Variants in GPC6 observed in about 807,000 individuals in gnomAD.
GPC6 encodes glypican-6.
A neutral mutation model predicts 55.2 loss-of-function variants in GPC6; 14 were observed. The observed-to-expected ratio is 0.25, with a 90% CI of 0.17 to 0.40. GPC6 has a LOEUF of 0.40. Among genes scored for constraint, GPC6 ranks in the 10% least tolerant of loss-of-function variants. GPC6 has a pLI of 1.00. For missense variants in GPC6, 641 were observed against 708.5 expected (o/e 0.90, Z 1.08); for synonymous variants, 278 against 259.6 (o/e 1.07, Z -0.68).
chr13:94,376,890 A>G (rs1311764324), intron 6 of GPC6, among the ~76,000 whole-genome samples: 3 of 151,938 alleles, frequency 2.0e-5, no homozygotes, highest in African/African-American at 4.8e-5. Flanking sequence ...CTCAGAAATA[A>G]CGCAGCATAT....
intron 2 of GPC6, among the ~76,000 whole-genome samples, chr13:93,560,876 C>A (rs1875748333): frequency 1.3e-5 from 2 of 152,050 alleles, no homozygotes; most frequent in Middle Eastern, 3.4e-3. Flanking sequence ...AGCTGTTTGT[C>A]TTCTTGCGCA....
chr13:93,331,084 A>G (rs1450069428), intron 1 of GPC6, among the ~76,000 whole-genome samples: 5 of 151,908 alleles, frequency 3.3e-5, no homozygotes, highest in Admixed American at 1.3e-4. Flanking sequence ...CTATTTGGGG[A>G]TTGGATTTTT....
chr13:93,969,784 C>A (rs1594629965), intron 3 of GPC6, among the ~76,000 whole-genome samples: 1 of 152,012 alleles, frequency 6.6e-6, no homozygotes, highest in South Asian at 2.1e-4. Flanking sequence ...TCATGAGATC[C>A]ACCTTTTTAG....
At chr13:93,598,455 ACATTAAGTTTC>A (rs1382979078) in intron 2 of GPC6, among the ~76,000 whole-genome samples, 7 of 152,306 alleles carry the variant, frequency 4.6e-5, no homozygotes, top group African/African-American at 1.4e-4. Flanking sequence ...GAGTGCCTTC[ACATTAAGTTTC>A]CATTAGCCTT....
intron 3 of GPC6, among the ~76,000 whole-genome samples, chr13:93,922,594 TC>T (rs924448200): frequency 2.0e-5 from 3 of 151,986 alleles, no homozygotes; most frequent in African/African-American, 4.8e-5. Flanking sequence ...TTATTCCTCT[TC>T]CCCCCAGCTA....
intron 4 of GPC6, among the ~76,000 whole-genome samples, chr13:94,282,840 T>C (rs1325000683): frequency 6.6e-6 from 1 of 152,240 alleles, no homozygotes; most frequent in Non-Finnish European, 1.5e-5. Flanking sequence ...AGAATGTCAC[T>C]TCAACCATAT....
intron 3 of GPC6, among the ~76,000 whole-genome samples, chr13:94,011,305 C>G (rs1197383519): frequency 6.6e-6 from 1 of 152,124 alleles, no homozygotes; most frequent in Non-Finnish European, 1.5e-5. Context: ...TGGTGTCATC[C>G]TTCAAAGTAA....
At chr13:93,653,576 G>A (rs1161719154) in intron 2 of GPC6, among the ~76,000 whole-genome samples, 4 of 1,298 alleles carry the variant, frequency 3.1e-3, no homozygotes, top group African/African-American at 7.2e-3. Context: ...GTATATGGCC[G>A]TGTGTGTGTG....
intron 2 of GPC6, among the ~76,000 whole-genome samples, chr13:93,662,089 G>T (rs1466342367): frequency 6.6e-6 from 1 of 152,164 alleles, no homozygotes; most frequent in African/African-American, 2.4e-5. Flanking sequence ...ATGTGAGTTA[G>T]AAGTCATCCA....
chr13:94,296,382 C>T (rs1187863188), intron 5 of GPC6, among the ~76,000 whole-genome samples: 3 of 152,184 alleles, frequency 2.0e-5, no homozygotes, highest in African/African-American at 7.2e-5. Flanking sequence ...CACAATTCAG[C>T]TTTAACACTC....
intron 1 of GPC6, among the ~76,000 whole-genome samples, chr13:93,445,591 A>G (rs1877970737): frequency 6.6e-6 from 1 of 152,174 alleles, no homozygotes; most frequent in Non-Finnish European, 1.5e-5. Context: ...TGCAGAGCAA[A>G]TTATTGCTTT....
intron 1 of GPC6, among the ~76,000 whole-genome samples, chr13:93,294,850 G>T (rs770220272): frequency 2.0e-5 from 3 of 151,864 alleles, no homozygotes; most frequent in Non-Finnish European, 4.4e-5. Context: ...TGATTATTCT[G>T]CTTGGACATA....
intron 1 of GPC6, among the ~76,000 whole-genome samples, chr13:93,471,867 A>G (rs192974196): frequency 6.6e-6 from 1 of 152,280 alleles, no homozygotes; most frequent in Non-Finnish European, 1.5e-5. Flanking sequence ...GGGCAGAGTA[A>G]CCTATAAATG....
At chr13:94,336,352 C>T (rs1430141706) in intron 6 of GPC6, among the ~76,000 whole-genome samples, 1 of 152,140 alleles carries the variant, frequency 6.6e-6, no homozygotes, top group African/African-American at 2.4e-5. Flanking sequence ...TTGATTCTGT[C>T]AAACACTGAT....
chr13:93,966,824 A>T (rs544587957), intron 3 of GPC6, among the ~76,000 whole-genome samples: 44 of 151,762 alleles, frequency 2.9e-4, no homozygotes, highest in Middle Eastern at 3.4e-3. Context: ...CTAATTTTTT[A>T]AAAATATTTT....
intron 4 of GPC6, among the ~76,000 whole-genome samples, chr13:94,211,495 T>A (rs1890078652): frequency 6.6e-6 from 1 of 152,086 alleles, no homozygotes. Flanking sequence ...AAAAAATAAG[T>A]TTATTTAAGG....
intron 3 of GPC6, among the ~76,000 whole-genome samples, chr13:93,874,044 A>C (rs1889213945): frequency 6.6e-6 from 1 of 151,952 alleles, no homozygotes; most frequent in African/African-American, 2.4e-5. Flanking sequence ...ATTGTCTGGC[A>C]GCCAGATTTT....
At chr13:93,441,005 C>T (rs1337786153) in intron 1 of GPC6, among the ~76,000 whole-genome samples, 2 of 152,122 alleles carry the variant, frequency 1.3e-5, no homozygotes, top group Non-Finnish European at 2.9e-5. Context: ...TCATCCATGT[C>T]CCTACAAAGG....
chr13:93,572,904 C>A (rs1594278323), intron 2 of GPC6, among the ~76,000 whole-genome samples: 1 of 152,054 alleles, frequency 6.6e-6, no homozygotes, highest in East Asian at 1.9e-4. Flanking sequence ...TGGCATAGAA[C>A]TTCATAAAAG....
Sources: gnomAD v4.1 joint callset for allele counts (sites outside exome capture counted in the v4.1 genomes callset) on GRCh38, gnomAD v4.1.1 for gene constraint, MANE v1.5 for transcripts, NCBI Gene and HGNC (gene_info 2026-07-23, HGNC 2026-07-21) for gene names.